The following TTC34 variants were observed in gnomAD, a reference collection of about 807,000 sequenced individuals.
The protein encoded by TTC34 is tetratricopeptide repeat protein 34.
TTC34 carries 44 observed loss-of-function variants against 40.7 expected under a neutral mutation model. That is an observed-to-expected ratio of 1.08 (90% confidence interval 0.85 to 1.39). TTC34 has a LOEUF of 1.39. Among genes scored for constraint, TTC34 ranks in the 40% most tolerant of loss-of-function variants. TTC34 has a pLI of 0.00. For missense variants in TTC34, 884 were observed against 838.0 expected (o/e 1.05, Z -0.68); for synonymous variants, 422 against 398.6 (o/e 1.06, Z -0.70).
chr1:2,651,843 A>C (rs1221922306), intron 6 of TTC34, among the ~76,000 whole-genome samples: 1 of 152,050 alleles, frequency 6.6e-6, no homozygotes, highest in Non-Finnish European at 1.5e-5. Flanking sequence ...CGGTACCACC[A>C]ATTAGGTGAG....
intron 6 of TTC34, among the ~76,000 whole-genome samples, chr1:2,753,364 C>A (rs1234495050): frequency 1.9e-5 from 2 of 106,190 alleles, no homozygotes; most frequent in East Asian, 3.4e-4. Context: ...CAGCCTAGAA[C>A]AGCACCCACA....
chr1:2,641,539 G>A (rs976469950), exon 9 of TTC34: 2 of 1,534,426 alleles, frequency 1.3e-6, no homozygotes, highest in Non-Finnish European at 1.7e-6. Flanking sequence ...TGCGTGCAGT[G>A]GGGGCCCGGC....
exon 9 of TTC34, chr1:2,641,584 G>A: frequency 2.0e-6 from 3 of 1,533,282 alleles, no homozygotes; most frequent in South Asian, 2.4e-5. Context: ...GGGCCAAGGA[G>A]GGCGCCAGCT....
chr1:2,779,972 G>A (rs911708440), intron 6 of TTC34, among the ~76,000 whole-genome samples: 18 of 152,248 alleles, frequency 1.2e-4, no homozygotes, highest in Admixed American at 1.2e-3. Flanking sequence ...AAATTAGCCA[G>A]GCGTGGGGTC....
chr1:2,752,174 A>T (rs1177380699), intron 6 of TTC34, among the ~76,000 whole-genome samples: 1 of 120,566 alleles, frequency 8.3e-6, no homozygotes, highest in Non-Finnish European at 1.7e-5. Context: ...CCACACCAAC[A>T]GGTGAGCATC....
At chr1:2,764,228 G>A (rs1259516439) in intron 6 of TTC34, among the ~76,000 whole-genome samples, 2 of 149,966 alleles carry the variant, frequency 1.3e-5, no homozygotes, top group East Asian at 4.3e-4. Context: ...ACACACCCAG[G>A]CGAGCATCTG....
rs1643713959 is a variant in TTC34 at position 2,796,833 on chromosome 1, T to G, written c.784+3211A>C. 1.3e-5 allele frequency among the ~76,000 whole-genome samples: 2 copies of G among 149,694 alleles called. No homozygotes were observed. Among genetic ancestry groups the G allele is most frequent in the African/African-American group, 4.9e-5 (2 of 41,218 alleles). ...ATTTGAGCATATTTCCAGAAACAAA[T>G]TTTCCTGCTCACTTTGCAGCTCTCT... On this transcript the variant is annotated intron_variant, in intron 2 of 8. Transcript: ENST00000401095. The surrounding 1 kb of genome is among the most constrained non-coding windows in gnomAD (Gnocchi z 4.5).
chr1:2,685,802 C>A (rs1362821183), intron 6 of TTC34, among the ~76,000 whole-genome samples: 6 of 150,958 alleles, frequency 4.0e-5, no homozygotes, highest in African/African-American at 9.8e-5. Flanking sequence ...CCCACACCCC[C>A]AGGTGAGCAT....
intron 6 of TTC34, among the ~76,000 whole-genome samples, chr1:2,782,644 T>C (rs1302293056): frequency 6.6e-6 from 1 of 152,226 alleles, no homozygotes; most frequent in African/African-American, 2.4e-5. Context: ...CCCCTCAGGA[T>C]TGCTTTCCCT....
At chr1:2,683,429 T>TGAGCATCTGATATCCTGGATCAGCATCCA (rs1640170471) in intron 6 of TTC34, among the ~76,000 whole-genome samples, 4 of 71,708 alleles carry the variant, frequency 5.6e-5, no homozygotes, top group African/African-American at 1.0e-4. Flanking sequence ...ACACCACCCT[T>TGAGCATCTGATATCCTGGATCAGCATCCA]CACCCCCAGG....
chr1:2,686,043 C>A (rs1465504000), intron 6 of TTC34, among the ~76,000 whole-genome samples: 6 of 124,432 alleles, frequency 4.8e-5, no homozygotes, highest in Admixed American at 7.8e-5. Flanking sequence ...CCCTGCACCC[C>A]CAAGTGAGCA....
intron 6 of TTC34, among the ~76,000 whole-genome samples, chr1:2,777,282 G>T (rs1356462459): frequency 3.4e-5 from 4 of 118,938 alleles, no homozygotes; most frequent in African/African-American, 6.8e-5. Flanking sequence ...ACCTGGAGCA[G>T]CACCCCACAC....
chr1:2,775,259 A>C (rs1453985144), intron 6 of TTC34: 1 of 136,028 alleles, frequency 7.4e-6, no homozygotes. Context: ...GTATGGAATG[A>C]CATCCTCACA....
At chr1:2,684,681 A>G (rs1402870076) in intron 6 of TTC34, among the ~76,000 whole-genome samples, 8 of 128,344 alleles carry the variant, frequency 6.2e-5, no homozygotes, top group Non-Finnish European at 1.3e-4. Context: ...CCACACGCCC[A>G]GGTGAGCATC....
chr1:2,650,644 G>T (rs563538511), intron 6 of TTC34, among the ~76,000 whole-genome samples: 1 of 151,616 alleles, frequency 6.6e-6, no homozygotes, highest in Admixed American at 6.6e-5. Context: ...GTGTCTGAGA[G>T]CCTGCAACAG....
chr1:2,653,752 C>A, intron 6 of TTC34, among the ~76,000 whole-genome samples: 1 of 150,692 alleles, frequency 6.6e-6, no homozygotes, highest in South Asian at 2.1e-4. Flanking sequence ...ATCGGAGAGT[C>A]TGGAGCAGCG....
Position 2,759,699 on chromosome 1 carries a change from G to C in TTC34, c.2226+23910C>G, listed in dbSNP as rs1641630719. The stretch of plus-strand genomic sequence containing the variant: ...AACAACCCCAGGCTTGCATCCGACA[G>C]CCTGGAGCAGGACCCACACCCCGAG... On this transcript the variant is annotated intron_variant, in intron 6 of 8. Coordinates refer to ENST00000401095, the Ensembl canonical transcript of TTC34. 1.7e-5 allele frequency among the ~76,000 whole-genome samples: 2 copies of C among 117,136 alleles called. 1 individual carries two copies. Among genetic ancestry groups the C allele is most frequent in the Non-Finnish European group, 3.4e-5 (2 of 58,204 alleles). 76.8% of individuals were successfully genotyped at this position (117,136 alleles called of 152,430 possible). A position where few individuals can be genotyped will look rare whatever the true frequency, so the allele number is the denominator to read the frequency against.
At chr1:2,787,150 A>G (rs1355122005) in intron 4 of TTC34, among the ~76,000 whole-genome samples, 1 of 152,186 alleles carries the variant, frequency 6.6e-6, no homozygotes, top group African/African-American at 2.4e-5. Flanking sequence ...CTTGGAGAGA[A>G]GCTCGGCCTG....
intron 6 of TTC34, among the ~76,000 whole-genome samples, chr1:2,686,839 CA>C (rs1640380896): frequency 7.4e-5 from 7 of 94,070 alleles, no homozygotes; most frequent in Non-Finnish European, 1.3e-4. Context: ...AGCAGCACCC[CA>C]CACCCCCAGG....
Sources: gnomAD v4.1 joint callset for allele counts (sites outside exome capture counted in the v4.1 genomes callset) on GRCh38, gnomAD v4.1.1 for gene constraint, Gnocchi (gnomAD v3.1) non-coding constraint, MANE v1.5 for transcripts, NCBI Gene and HGNC (gene_info 2026-07-23, HGNC 2026-07-21) for gene names.